SLC35F1: variants seen among roughly 807,000 people sequenced by gnomAD.
SLC35F1 encodes chromosome 6 open reading frame 169.
A neutral mutation model predicts 48.7 loss-of-function variants in SLC35F1; 14 were observed. That is an observed-to-expected ratio of 0.29 (90% CI 0.19 to 0.45). The LOEUF (loss-of-function observed/expected upper bound fraction) is 0.45. Among genes scored for constraint, SLC35F1 ranks in the 20% least tolerant of loss-of-function variants. SLC35F1 has a pLI of 1.00. For missense variants in SLC35F1, 404 were observed against 500.0 expected (o/e 0.81, Z 1.83); for synonymous variants, 190 against 202.2 (o/e 0.94, Z 0.51).
intron 6 of SLC35F1, among the ~76,000 whole-genome samples, chr6:118,280,446 A>G (rs997766535): frequency 6.6e-6 from 1 of 152,186 alleles, no homozygotes; most frequent in East Asian, 1.9e-4. Flanking sequence ...TTCACTTTTG[A>G]TGTTGTGGTT....
chr6:118,077,789 G>A (rs1772843839), intron 1 of SLC35F1, among the ~76,000 whole-genome samples: 1 of 152,172 alleles, frequency 6.6e-6, no homozygotes, highest in Non-Finnish European at 1.5e-5. Context: ...ATTGCATTAG[G>A]AATAGACAAA....
At chr6:117,933,650 T>C (rs2114814083) in intron 1 of SLC35F1, among the ~76,000 whole-genome samples, 1 of 152,332 alleles carries the variant, frequency 6.6e-6, no homozygotes, top group South Asian at 2.1e-4. Flanking sequence ...AGAAAGCTGC[T>C]TTTGTGCTCT....
intron 1 of SLC35F1, among the ~76,000 whole-genome samples, chr6:117,945,045 A>G (rs903818101): frequency 5.3e-5 from 8 of 152,176 alleles, no homozygotes; most frequent in African/African-American, 1.9e-4. Flanking sequence ...GCATTCATGG[A>G]GCTTGCATCC....
At chr6:118,205,922 A>AT (rs1438959235) in intron 2 of SLC35F1, among the ~76,000 whole-genome samples, 3 of 152,188 alleles carry the variant, frequency 2.0e-5, no homozygotes, top group Non-Finnish European at 2.9e-5. Context: ...TATATGAGGT[A>AT]TATAGACTAG....
chr6:118,058,923 A>T (rs1416072982), intron 1 of SLC35F1, among the ~76,000 whole-genome samples: 1 of 152,302 alleles, frequency 6.6e-6, no homozygotes, highest in South Asian at 2.1e-4. Flanking sequence ...TTCTACTGAA[A>T]TTTTTTGTGG....
chr6:117,936,085 G>A (rs6938504), intron 1 of SLC35F1, among the ~76,000 whole-genome samples: 1 of 152,166 alleles, frequency 6.6e-6, no homozygotes, highest in African/African-American at 2.4e-5. Flanking sequence ...TCCTGTATGT[G>A]CTCATTGCTG....
At chr6:118,182,504 AAG>A (rs759706764) in intron 2 of SLC35F1, among the ~76,000 whole-genome samples, 26 of 90,762 alleles carry the variant, frequency 2.9e-4, no homozygotes, top group Non-Finnish European at 4.8e-4. Context: ...AAAAAAAAGA[AAG>A]AGAGAGAGAG....
At chr6:117,910,941 C>T (rs1775753884) in intron 1 of SLC35F1, among the ~76,000 whole-genome samples, 1 of 152,198 alleles carries the variant, frequency 6.6e-6, no homozygotes, top group Admixed American at 6.5e-5. Flanking sequence ...ACTTCTTGCT[C>T]TCAAGAAGCT....
intron 1 of SLC35F1, among the ~76,000 whole-genome samples, chr6:117,954,976 A>G (rs1776410838): frequency 1.3e-5 from 2 of 152,228 alleles, no homozygotes; most frequent in Admixed American, 1.3e-4. Context: ...TCTATAATTT[A>G]TTTTGAACTC....
At chr6:118,200,495 G>A (rs907977174) in intron 2 of SLC35F1, among the ~76,000 whole-genome samples, 10 of 152,172 alleles carry the variant, frequency 6.6e-5, no homozygotes, top group African/African-American at 2.4e-4. Context: ...GAAACAGCAG[G>A]AGTCCCTCAA....
At chr6:118,182,966 C>G (rs1218368950) in intron 2 of SLC35F1, among the ~76,000 whole-genome samples, 1 of 152,148 alleles carries the variant, frequency 6.6e-6, no homozygotes, top group Non-Finnish European at 1.5e-5. Flanking sequence ...CATGATTCCT[C>G]TGTTCAAATG....
chr6:117,921,967 CA>C (rs1373508063), intron 1 of SLC35F1, among the ~76,000 whole-genome samples: 1 of 152,006 alleles, frequency 6.6e-6, no homozygotes, highest in Non-Finnish European at 1.5e-5. Context: ...AAGACAACAA[CA>C]AAAAAAGATT....
At chr6:118,115,177 A>G (rs1301806479) in intron 1 of SLC35F1, among the ~76,000 whole-genome samples, 1 of 152,212 alleles carries the variant, frequency 6.6e-6, no homozygotes, top group Non-Finnish European at 1.5e-5. Context: ...AGTGCCCCCA[A>G]GAAGACTGAT....
At chr6:118,044,959 T>C (rs1233050772) in intron 1 of SLC35F1, among the ~76,000 whole-genome samples, 1 of 152,198 alleles carries the variant, frequency 6.6e-6, no homozygotes, top group African/African-American at 2.4e-5. Flanking sequence ...ACTCTTCCTG[T>C]GATAATTTTT....
In SLC35F1 at chr6:117,907,541, T is replaced by G. The variant is rs1582554534; in HGVS notation, c.-186T>G. The G allele has an allele frequency of 3.0e-6, 1 of 328,916 alleles. No homozygotes were observed. The highest frequency in any genetic ancestry group is 5.4e-6 in the Non-Finnish European group (1 of 185,744). The allele number at this position is 328,916 out of a possible 1,614,324, so 20.4% of individuals were successfully genotyped here. On this transcript the variant is annotated 5_prime_UTR_variant, in exon 1 of 8. Transcript: ENST00000360388. Reference sequence around the variant, plus strand: ...TGCGCGCACTGGGACTGGAGAGGAGTGAGTGGCGGGCTGGGCGGCGGCGGC... The same window carrying G: ...TGCGCGCACTGGGACTGGAGAGGAGGGAGTGGCGGGCTGGGCGGCGGCGGC...
At chr6:118,209,521 A>G (rs1774976724) in intron 2 of SLC35F1, among the ~76,000 whole-genome samples, 1 of 152,206 alleles carries the variant, frequency 6.6e-6, no homozygotes, top group African/African-American at 2.4e-5. Flanking sequence ...TTTAAAAATA[A>G]CTGCTACAGA....
intron 1 of SLC35F1, among the ~76,000 whole-genome samples, chr6:117,928,655 T>G (rs954817272): frequency 6.6e-6 from 1 of 152,194 alleles, no homozygotes; most frequent in Non-Finnish European, 1.5e-5. Flanking sequence ...ACTAGTTTGC[T>G]CTATGTTCAT....
chr6:118,084,657 A>G (rs1386269913), intron 1 of SLC35F1, among the ~76,000 whole-genome samples: 2 of 152,126 alleles, frequency 1.3e-5, no homozygotes, highest in Non-Finnish European at 2.9e-5. Context: ...TTTCAAAGGT[A>G]GGTGATCCTA....
intron 1 of SLC35F1, among the ~76,000 whole-genome samples, chr6:117,954,539 G>A (rs964096366): frequency 1.5e-4 from 23 of 152,302 alleles, no homozygotes; most frequent in African/African-American, 5.3e-4. Context: ...GATTACAGGC[G>A]TGAGCCACTG....
Sources: gnomAD v4.1 joint callset for allele counts (sites outside exome capture counted in the v4.1 genomes callset) on GRCh38, gnomAD v4.1.1 for gene constraint, MANE v1.5 for transcripts, NCBI Gene and HGNC (gene_info 2026-07-23, HGNC 2026-07-21) for gene names.